The following CFAP77 variants were observed in gnomAD, a reference collection of about 807,000 sequenced individuals.
CFAP77 encodes cilia and flagella associated protein 77, also known as cilia- and flagella-associated protein 77.
Under a neutral mutation model 31.1 loss-of-function variants are expected in CFAP77, and 25 were observed. That is an observed-to-expected ratio of 0.80 (90% CI 0.59 to 1.12). The LOEUF (loss-of-function observed/expected upper bound fraction) is 1.12. Among genes scored for constraint, CFAP77 ranks in the 50% most tolerant of loss-of-function variants. The pLI is 0.00. For missense variants in CFAP77, 377 were observed against 397.3 expected, an observed-to-expected ratio of 0.95 and a Z score of 0.44; for synonymous variants, 151 against 159.9, an observed-to-expected ratio of 0.94 and a Z score of 0.42.
In CFAP77 at chr9:132,507,127, G is replaced by GA. The variant is rs1851943647; in HGVS notation, c.524+7527_524+7528insA. Reference sequence around the variant, plus strand: ...GTCACTTCCTTCCCTTTCACATTCAGCGGCAACCACTTCCTGATAAACTCA... The same window carrying GA: ...GTCACTTCCTTCCCTTTCACATTCAGACGGCAACCACTTCCTGATAAACTCA... On this transcript the variant is annotated intron_variant, in intron 3 of 5. Transcript: ENST00000393216. Among the ~76,000 whole-genome samples, 3 of 152,200 alleles carry GA rather than the reference G, an allele frequency of 2.0e-5. No individual in the cohort carries two copies. The South Asian group carries it at 6.2e-4, about 31-fold the overall frequency.
chr9:132,524,266 C>G (rs1852316975), intron 3 of CFAP77, among the ~76,000 whole-genome samples: 1 of 151,884 alleles, frequency 6.6e-6, no homozygotes, highest in Non-Finnish European at 1.5e-5. Context: ...GTGGAAAGTT[C>G]TGGAATAGTT....
chr9:132,530,078 A>G (rs1212625760), intron 3 of CFAP77, among the ~76,000 whole-genome samples: 1 of 138,192 alleles, frequency 7.2e-6, no homozygotes, highest in Non-Finnish European at 1.6e-5. Flanking sequence ...TGCCATCCAT[A>G]TATTCTCTTT....
chr9:132,429,322 C>A (rs7847290), intron 1 of CFAP77, among the ~76,000 whole-genome samples: 3,846 of 151,860 alleles, frequency 0.025, 162 homozygotes, highest in African/African-American at 0.088. Flanking sequence ...GGGCAGATCA[C>A]GAGGTCAGGA....
rs529304683 is a variant in CFAP77, at chr9:132,462,235, G to A, written c.196-36460G>A. On this transcript the variant is annotated intron_variant, in intron 1 of 5. Coordinates refer to ENST00000393216, the MANE Select transcript of CFAP77 (RefSeq NM_001282957.2). ...GAAGAAAGCCAGCCCCAGTGCCTGT[G>A]GCTGATCTCTAGGACGTGTTTCTTG... 6.8e-4 allele frequency among the ~76,000 whole-genome samples: 104 copies of A among 152,266 alleles called. No homozygotes were observed. The South Asian group carries it at 7.9e-3, about 12-fold the overall frequency.
chr9:132,539,919 GT>G lies in CFAP77; in HGVS notation c.630+2216del, dbSNP rs1852610565. ...GAGCTGGGAGTTTTTTTTGCTGTTT[GT>G]TTATTTTTGTTTTTGTTTGTTTGTT... On this transcript the variant is annotated intron_variant, in intron 4 of 5. Coordinates refer to ENST00000393216, the MANE Select transcript of CFAP77 (RefSeq NM_001282957.2). The surrounding 1 kb of genome is among the most constrained non-coding windows in gnomAD (Gnocchi z 4.3). 1.3e-5 allele frequency among the ~76,000 whole-genome samples: 2 copies of G among 151,634 alleles called. No individual in the cohort carries two copies. The highest frequency in any genetic ancestry group is 4.2e-4 in the South Asian group (2 of 4,786).
chr9:132,529,507 T>TAAAAAAAAACAAA lies in CFAP77; in HGVS notation c.525-8085_525-8084insCAAAAAAAAAAAA, dbSNP rs1554748116. On this transcript the variant is annotated intron_variant, in intron 3 of 5. Transcript: ENST00000393216. ...ATGTACCCTAAAACTTAGAGTATAA[T>TAAAAAAAAACAAA]AAAAAAAAAAAACAAAAAAAAAACT... Among the ~76,000 whole-genome samples, 7 of 108,834 alleles carry TAAAAAAAAACAAA rather than the reference T, an allele frequency of 6.4e-5. 1 individual carries two copies. The highest frequency in any genetic ancestry group is 1.3e-4 in the African/African-American group (4 of 29,980). The allele number at this position is 108,834 out of a possible 152,430, so 71.4% of individuals were successfully genotyped here.
intron 1 of CFAP77, among the ~76,000 whole-genome samples, chr9:132,428,197 C>T (rs1850348537): frequency 6.6e-6 from 1 of 151,114 alleles, no homozygotes; most frequent in South Asian, 2.1e-4. Flanking sequence ...TTCACAGAGA[C>T]ATGGGTCTTC....
intron 3 of CFAP77, among the ~76,000 whole-genome samples, chr9:132,503,994 G>C (rs746330882): frequency 6.6e-6 from 1 of 152,148 alleles, no homozygotes; most frequent in Non-Finnish European, 1.5e-5. Flanking sequence ...AACCAAGATC[G>C]CACCACTGCA....
intron 1 of CFAP77, among the ~76,000 whole-genome samples, chr9:132,421,968 C>T (rs1228414442): frequency 6.6e-6 from 1 of 151,896 alleles, no homozygotes; most frequent in Non-Finnish European, 1.5e-5. Context: ...GTGTGCTGGG[C>T]CTTGGGGACA....
chr9:132,506,835 G>A (rs1265747490), intron 3 of CFAP77, among the ~76,000 whole-genome samples: 5 of 152,100 alleles, frequency 3.3e-5, no homozygotes, highest in Admixed American at 2.6e-4. Context: ...AGAGACAGAG[G>A]GTCTGAGAGG....
intron 1 of CFAP77, among the ~76,000 whole-genome samples, chr9:132,435,467 C>T (rs754747178): frequency 1.7e-4 from 26 of 152,272 alleles, no homozygotes; most frequent in African/African-American, 3.9e-4. Context: ...TCAATAATAA[C>T]GACACGCTAG....
chr9:132,434,420 G>T (rs563942332), intron 1 of CFAP77, among the ~76,000 whole-genome samples: 1 of 152,278 alleles, frequency 6.6e-6, no homozygotes, highest in South Asian at 2.1e-4. Context: ...TTCAATAAAT[G>T]TTTGTCAAAT....
intron 3 of CFAP77, among the ~76,000 whole-genome samples, chr9:132,506,082 G>T (rs1413702554): frequency 6.6e-6 from 1 of 152,228 alleles, no homozygotes; most frequent in Non-Finnish European, 1.5e-5. Context: ...TTACGGTGCA[G>T]AGCCCGGATT....
intron 3 of CFAP77, among the ~76,000 whole-genome samples, chr9:132,523,104 T>C (rs1049261767): frequency 7.9e-5 from 12 of 151,632 alleles, no homozygotes; most frequent in Non-Finnish European, 1.5e-4. Context: ...TTTTTTTTTT[T>C]TGAGACAGGG....
chr9:132,506,212 G>A (rs1851928428), intron 3 of CFAP77, among the ~76,000 whole-genome samples: 1 of 152,184 alleles, frequency 6.6e-6, no homozygotes, highest in Non-Finnish European at 1.5e-5. Context: ...AGTCAGGGAA[G>A]AATTTTAAAT....
chr9:132,542,905 G>T (rs370753369), intron 4 of CFAP77, 41 bp from the exon 5 acceptor site: 4 of 1,515,370 alleles, frequency 2.6e-6, no homozygotes, highest in Non-Finnish European at 3.7e-6. Context: ...TCTCCAAGTA[G>T]CCGGGCAACC....
At chr9:132,558,206 T>C (rs967757575) in intron 5 of CFAP77, among the ~76,000 whole-genome samples, 10 of 152,348 alleles carry the variant, frequency 6.6e-5, no homozygotes, top group African/African-American at 2.4e-4. Flanking sequence ...TACATTAAGA[T>C]GATATTTATA....
rs145957603 is a variant in CFAP77 at position 132,499,419 on chromosome 9, G to T, written c.343G>T (p.Glu115Ter). 2.5e-6 allele frequency: 4 copies of T among 1,614,184 alleles called. No homozygotes were observed. In the Admixed American group the frequency reaches 5.0e-5, roughly 20 times the overall value. ...CAAGCAGCAGCCCACCTGCCCCCAC[G>T]AGCTGACCCGGAATTATATCGCAAT... The part of the protein sequence containing the change: ...VFKQQPTCPH[E>*]LTRNYIAMNR... The change falls in exon 3 of 6, where the codon GAG (glutamate) becomes TAG (stop). Residue 115 changes from glutamate (E) to a stop codon, truncating the protein, a stop_gained. Coordinates refer to ENST00000393216, the MANE Select transcript of CFAP77 (RefSeq NM_001282957.2). LOFTEE classifies it high-confidence loss of function. This position sits in a 1 kb window ranked among gnomAD's most constrained non-coding sequence, Gnocchi z 5.4.
At chr9:132,514,580 G>A (rs1359635284) in intron 3 of CFAP77, among the ~76,000 whole-genome samples, 2 of 152,084 alleles carry the variant, frequency 1.3e-5, no homozygotes, top group Admixed American at 6.5e-5. Flanking sequence ...TGGCTTCACC[G>A]AGCGCTGCCT....
Sources: gnomAD v4.1 joint callset for allele counts (sites outside exome capture counted in the v4.1 genomes callset) on GRCh38, gnomAD v4.1.1 for gene constraint, Gnocchi (gnomAD v3.1) non-coding constraint, MANE v1.5 for transcripts, NCBI Gene and HGNC (gene_info 2026-07-23, HGNC 2026-07-21) for gene names.